Variants in CDK13 observed in about 807,000 individuals in gnomAD.
CDK13 encodes the protein cyclin dependent kinase 13, also known as cyclin-dependent kinase 13.
In CDK13, 40 loss-of-function variants were observed where a neutral mutation model predicts 137.6. The ratio of observed to expected loss-of-function variants is 0.29; its 90% CI spans 0.23 to 0.38. CDK13 has a LOEUF of 0.38. CDK13 is among the 10% of genes least tolerant of loss of function. CDK13 has a pLI of 1.00. For missense variants in CDK13, 1,704 were observed against 1,951.8 expected (o/e 0.87, Z 2.39); for synonymous variants, 869 against 760.1 (o/e 1.14, Z -2.36).
chr7:39,952,045 G>A, intron 1 of CDK13, 193 bp downstream of exon 1: 1 of 443,376 alleles, frequency 2.3e-6, no homozygotes, highest in Non-Finnish European at 3.7e-6. Flanking sequence ...AAGGGACAAA[G>A]CAACTGGGCG....
chr7:39,960,896 T>C (rs1787597467), intron 1 of CDK13, among the ~76,000 whole-genome samples: 2 of 152,126 alleles, frequency 1.3e-5, no homozygotes, highest in South Asian at 4.1e-4. Context: ...TATTGACAAA[T>C]AATTGTATAT....
rs1286744546 is a variant in CDK13 at position 39,951,401 on chromosome 7, A to G, written c.760A>G (p.Ser254Gly). 30 of 1,519,090 alleles carry G rather than the reference A, an allele frequency of 2.0e-5. No homozygotes were observed. Among genetic ancestry groups the G allele is most frequent in the South Asian group, 3.7e-5 (3 of 81,786 alleles). The allele number at this position is 1,519,090 out of a possible 1,614,324, so 94.1% of individuals were successfully genotyped here. A position where few individuals can be genotyped will look rare whatever the true frequency, so the allele number is the denominator to read the frequency against. Residue 254 changes from serine (S) to glycine (G), a missense_variant, in exon 1 of 14, where the codon AGC (serine) becomes GGC (glycine). By Grantham distance (56) the Ser-to-Gly change is moderately conservative (BLOSUM62 0). Around this residue, in one of 5 missense-constraint regions of CDK13, gnomAD observed 1,051 missense variants for 931.0 expected, o/e 1.13. Transcript: ENST00000181839. Reference protein sequence around the residue: ...EVAKSGSSSSSGGRRKSASAT... With the variant: ...EVAKSGSSSSGGGRRKSASAT... ...CGCCAAGAGCGGCAGCAGCAGCAGC[A>G]GCGGCGGCCGCCGGAAAAGCGCTTC...
chr7:39,979,165 G>A (rs2116225333), intron 1 of CDK13, among the ~76,000 whole-genome samples: 1 of 151,410 alleles, frequency 6.6e-6, no homozygotes, highest in South Asian at 2.1e-4. Context: ...ACACAGACTA[G>A]TAATAAAGTA....
intron 7 of CDK13, among the ~76,000 whole-genome samples, chr7:40,055,572 ATTTTTTT>A (rs1202058166): frequency 7.8e-6 from 1 of 128,628 alleles, no homozygotes; most frequent in African/African-American, 2.9e-5. Context: ...AGGATTCTGG[ATTTTTTT>A]TTTTTTTTTT....
intron 2 of CDK13, among the ~76,000 whole-genome samples, chr7:39,996,417 A>G (rs1298669753): frequency 2.6e-5 from 4 of 152,206 alleles, no homozygotes; most frequent in Non-Finnish European, 5.9e-5. Flanking sequence ...TTTAAAATAA[A>G]TTGCCAAGTT....
At position 39,951,586 on chromosome 7, in the gene CDK13, C is replaced by A; in HGVS notation, c.945C>A (p.Ser315=). 1 of 1,500,854 alleles carries A rather than the reference C, an allele frequency of 6.7e-7. No homozygotes were observed. 93.0% of individuals were successfully genotyped at this position (1,500,854 alleles called of 1,614,324 possible). Reference sequence around the variant, plus strand: ...CTAAGGCCTACAGGCGGCGGCGGTCCCTCAGCCCACTGGGAGGCCGGGACG... The same window carrying A: ...CTAAGGCCTACAGGCGGCGGCGGTCACTCAGCCCACTGGGAGGCCGGGACG... ...TEPKAYRRRR[S]LSPLGGRDDS... The change falls in exon 1 of 14, where the codon TCC becomes TCA. Residue 315 remains serine, a synonymous_variant. Coordinates refer to ENST00000181839, the MANE Select transcript of CDK13 (RefSeq NM_003718.5).
intron 5 of CDK13, among the ~76,000 whole-genome samples, chr7:40,011,210 C>T (rs1412736737): frequency 1.3e-5 from 2 of 152,082 alleles, no homozygotes; most frequent in Non-Finnish European, 2.9e-5. Flanking sequence ...AAGTTGGAAC[C>T]CTCACAATTT....
At chr7:40,046,133 C>A in intron 6 of CDK13, 108 bp downstream of exon 6, 1 of 705,214 alleles carries the variant, frequency 1.4e-6, no homozygotes, top group Non-Finnish European at 2.3e-6. Context: ...GGGTGGTGAG[C>A]GTTGAAAGTT....
chr7:40,082,647 T>C (rs918794275), intron 11 of CDK13, among the ~76,000 whole-genome samples: 1 of 150,876 alleles, frequency 6.6e-6, no homozygotes. Context: ...AAAAATTAGC[T>C]GGGCATGGTG....
At chr7:40,063,960 C>T (rs867632913) in intron 9 of CDK13, among the ~76,000 whole-genome samples, 22 of 151,864 alleles carry the variant, frequency 1.4e-4, no homozygotes, top group Middle Eastern at 3.2e-3. Context: ...TCATCCAGCC[C>T]GTCTTATATT....
At chr7:40,078,265 C>T (rs568261350) in intron 10 of CDK13, 144 bp downstream of exon 10, 5 of 445,462 alleles carry the variant, frequency 1.1e-5, no homozygotes, top group Admixed American at 8.5e-5. Context: ...CTGTTTGCTA[C>T]ATGCAGATTA....
At position 40,096,333 on chromosome 7, in the gene CDK13, T is replaced by C. The variant is rs1476565943; in HGVS notation, c.*1353T>C. ...TCTGCCAGACTTAGAGCAACAACTT[T>C]AGTTCATTTTAACATTTTTTTTTAA... On this transcript the variant is annotated 3_prime_UTR_variant, in exon 14 of 14. Transcript: ENST00000181839. 1 of 152,204 alleles carries C rather than the reference T, an allele frequency of 6.6e-6. No homozygotes were observed. Among genetic ancestry groups the C allele is most frequent in the Non-Finnish European group, 1.5e-5 (1 of 68,032 alleles). 9.4% of individuals were successfully genotyped at this position (152,204 alleles called of 1,614,324 possible). A position where few individuals can be genotyped will look rare whatever the true frequency, so the allele number is the denominator to read the frequency against.
intron 1 of CDK13, among the ~76,000 whole-genome samples, chr7:39,976,323 T>TCTCTCTCTCTCTCTCTCTCTCACACACA: frequency 3.0e-4 from 12 of 39,568 alleles, no homozygotes; most frequent in Admixed American, 9.5e-4. Flanking sequence ...TCTCTCTCTC[T>TCTCTCTCTCTCTCTCTCTCTCACACACA]CACACACACA....
At chr7:40,072,645 T>C (rs1584070590) in intron 9 of CDK13, 2 of 152,216 alleles carry the variant, frequency 1.3e-5, no homozygotes, top group South Asian at 2.1e-4. Context: ...GACCTTGAAG[T>C]GTCTAGGGGA....
chr7:40,061,757 A>G (rs1411507868), intron 7 of CDK13: 1 of 152,230 alleles, frequency 6.6e-6, no homozygotes, highest in Non-Finnish European at 1.5e-5. Flanking sequence ...ATTCTCTTCA[A>G]GCGTGTCAAT....
intron 1 of CDK13, among the ~76,000 whole-genome samples, chr7:39,966,333 T>C (rs1082025): frequency 0.99 from 151,256 of 152,294 alleles, 75,121 homozygotes; most frequent in East Asian, 1. Flanking sequence ...ATTCTTTTTT[T>C]TCTAAACTTC....
At chr7:39,956,097 G>GA (rs944365408) in intron 1 of CDK13, among the ~76,000 whole-genome samples, 37 of 149,766 alleles carry the variant, frequency 2.5e-4, no homozygotes, top group African/African-American at 5.9e-4. Flanking sequence ...ATTCCGTAAT[G>GA]AAAAAAAAAC....
At chr7:40,025,757 C>A (rs755727060) in intron 5 of CDK13, among the ~76,000 whole-genome samples, 1 of 152,194 alleles carries the variant, frequency 6.6e-6, no homozygotes, top group Non-Finnish European at 1.5e-5. Flanking sequence ...TTGGTTTCAT[C>A]TAAACCAATG....
intron 12 of CDK13, among the ~76,000 whole-genome samples, chr7:40,089,515 C>G (rs1396504421): frequency 6.6e-6 from 1 of 151,598 alleles, no homozygotes; most frequent in Non-Finnish European, 1.5e-5. Flanking sequence ...CTCAGTCTGT[C>G]ATAGAGTAAG....
Sources: allele counts gnomAD v4.1 joint callset (sites outside exome capture counted in the v4.1 genomes callset), GRCh38; gene constraint gnomAD v4.1.1; regional missense constraint gnomAD v4.1.1; transcripts MANE v1.5; gene names NCBI Gene and HGNC (gene_info 2026-07-23, HGNC 2026-07-21).